The following CCDC91 variants were observed in gnomAD, a reference collection of about 807,000 sequenced individuals.
The protein encoded by CCDC91 is coiled-coil domain containing 91, also known as coiled-coil domain-containing protein 91.
CCDC91 carries 48 observed loss-of-function variants against 63.2 expected under a neutral mutation model. The ratio of observed to expected loss-of-function variants is 0.76; its 90% CI spans 0.60 to 0.97. The LOEUF (loss-of-function observed/expected upper bound fraction) is 0.97. Among genes scored for constraint, CCDC91 ranks in the 50% least tolerant of loss-of-function variants. The pLI, the probability that CCDC91 is intolerant of heterozygous loss-of-function variation, is 0.00. For synonymous variants in CCDC91, 167 were observed against 165.8 expected, an observed-to-expected ratio of 1.01 and a Z score of -0.06; for missense variants, 500 against 494.6, an observed-to-expected ratio of 1.01 and a Z score of -0.10.
intron 12 of CCDC91, among the ~76,000 whole-genome samples, chr12:28,514,051 T>A (rs576050716): frequency 6.6e-6 from 1 of 152,008 alleles, no homozygotes; most frequent in African/African-American, 2.4e-5. Context: ...CTTTCCACAA[T>A]GGTTGAACTA....
intron 1 of CCDC91, among the ~76,000 whole-genome samples, chr12:28,204,982 C>T (rs1942737121): frequency 1.3e-5 from 2 of 152,262 alleles, no homozygotes; most frequent in East Asian, 3.9e-4. Context: ...AGTAGAGGAA[C>T]AGAATCAGTT....
intron 3 of CCDC91, among the ~76,000 whole-genome samples, chr12:28,267,970 T>A (rs1237798037): frequency 2.7e-5 from 3 of 112,994 alleles, no homozygotes; most frequent in Non-Finnish European, 5.1e-5. Context: ...TATATATAAT[T>A]AATATATACC....
At chr12:28,442,356 C>T (rs1174457749) in intron 8 of CCDC91, among the ~76,000 whole-genome samples, 2 of 152,008 alleles carry the variant, frequency 1.3e-5, no homozygotes, top group East Asian at 1.9e-4. Flanking sequence ...GGAGTTTAGA[C>T]GTTATACAAT....
chr12:28,310,135 T>C lies in CCDC91; in HGVS notation c.576+2386T>C, dbSNP rs114488319. On this transcript the variant is annotated intron_variant, in intron 6 of 12. Transcript: ENST00000536442. The stretch of plus-strand genomic sequence containing the variant: ...TGTATAGCCACACTTACTGACCTCA[T>C]CCTTGGAACTATGGTGCTGATTAAA... Among the ~76,000 whole-genome samples the C allele has an allele frequency of 8.1e-3, 1,235 of 152,124 alleles. 20 individuals carry two copies. Among genetic ancestry groups the C allele is most frequent in the African/African-American group, 0.029 (1,199 of 41,554 alleles).
intron 11 of CCDC91, among the ~76,000 whole-genome samples, chr12:28,483,443 A>G (rs1363662632): frequency 1.3e-5 from 2 of 152,060 alleles, no homozygotes; most frequent in Non-Finnish European, 2.9e-5. Context: ...TGTATTTGCA[A>G]TTCTGAAATC....
At chr12:28,493,446 A>G (rs1050939229) in intron 12 of CCDC91, among the ~76,000 whole-genome samples, 1 of 151,802 alleles carries the variant, frequency 6.6e-6, no homozygotes, top group African/African-American at 2.4e-5. Flanking sequence ...TAAATTGGGA[A>G]GAAAAGTAGA....
At chr12:28,279,306 T>G (rs1181991263) in intron 3 of CCDC91, among the ~76,000 whole-genome samples, 1 of 152,132 alleles carries the variant, frequency 6.6e-6, no homozygotes, top group Non-Finnish European at 1.5e-5. Flanking sequence ...ATTTGTATCC[T>G]CTTTAATAAA....
rs533178414 is a variant in CCDC91, at chr12:28,370,897, A to C, written c.654+8382A>C. ...ATCTCATGAGAACTCACTCACTATC[A>C]TGAGAACAGCATGGAGGAAATCGCC... is the stretch of plus-strand genomic sequence containing the variant. On this transcript the variant is annotated intron_variant, in intron 7 of 12. Transcript: ENST00000536442. Among the ~76,000 whole-genome samples the C allele has an allele frequency of 1.4e-4, 21 of 152,250 alleles. No individual in the cohort carries two copies. In the East Asian group the frequency reaches 2.9e-3, roughly 21 times the overall value.
intron 1 of CCDC91, among the ~76,000 whole-genome samples, chr12:28,254,772 CT>C (rs34812000): frequency 0.29 from 37,311 of 128,612 alleles, 4,899 homozygotes; most frequent in East Asian, 0.53. Flanking sequence ...GTATCATCTG[CT>C]TTTTTTTTTT....
At position 28,452,581 on chromosome 12, in the gene CCDC91, AAC is replaced by A. The variant is rs1565996909; in HGVS notation, c.1030_1031del (p.His344CysfsTer27). On this transcript the variant is annotated frameshift_variant, in exon 11 of 13. Transcript: ENST00000536442. LOFTEE classifies it high-confidence loss of function. ...GAAGAAAGGGAATTATGGAAGACAG[AAC>A]ATGCAAAAGATCAAGAAAAAGTATC... 6.3e-7 allele frequency: 1 copy of A among 1,588,910 alleles called. No homozygotes were observed. Among genetic ancestry groups the A allele is most frequent in the Non-Finnish European group, 8.6e-7 (1 of 1,169,004 alleles).
At chr12:28,512,804 A>C (rs1222609722) in intron 12 of CCDC91, among the ~76,000 whole-genome samples, 4 of 151,878 alleles carry the variant, frequency 2.6e-5, no homozygotes, top group East Asian at 1.9e-4. Flanking sequence ...ATAAATGCCA[A>C]GTTGTATGGT....
At position 28,364,058 on chromosome 12, in the gene CCDC91, A is replaced by G. The variant is rs185279496; in HGVS notation, c.654+1543A>G. ...TTTTTGTGACCATACCCAATATAGT[A>G]GTTGATGCTCATTGTTAAAAAGGTC... On this transcript the variant is annotated intron_variant, in intron 7 of 12. Transcript: ENST00000536442. 2.0e-3 allele frequency among the ~76,000 whole-genome samples: 303 copies of G among 151,190 alleles called. 3 individuals are homozygous for G. Among genetic ancestry groups the G allele is most frequent in the African/African-American group, 6.9e-3 (286 of 41,172 alleles).
intron 11 of CCDC91, among the ~76,000 whole-genome samples, chr12:28,455,350 C>T (rs1180103441): frequency 1.3e-5 from 2 of 151,930 alleles, no homozygotes; most frequent in Non-Finnish European, 2.9e-5. Flanking sequence ...AATTAATTAC[C>T]CTAAATTAGT....
At chr12:28,421,013 T>TATG (rs1181525501) in intron 8 of CCDC91, among the ~76,000 whole-genome samples, 1 of 152,126 alleles carries the variant, frequency 6.6e-6, no homozygotes, top group African/African-American at 2.4e-5. Flanking sequence ...CAATTTTTTC[T>TATG]CAGCATAGAT....
intron 12 of CCDC91, among the ~76,000 whole-genome samples, chr12:28,538,375 C>T (rs530707468): frequency 5.8e-4 from 87 of 150,812 alleles, no homozygotes; most frequent in South Asian, 2.3e-3. Context: ...TCTGTCCTTG[C>T]GATAGTTTGC....
At chr12:28,520,867 A>G (rs185679126) in intron 12 of CCDC91, among the ~76,000 whole-genome samples, 1 of 152,184 alleles carries the variant, frequency 6.6e-6, no homozygotes, top group Non-Finnish European at 1.5e-5. Context: ...GGTTTGTCAA[A>G]GATCAGATGG....
intron 11 of CCDC91, among the ~76,000 whole-genome samples, chr12:28,471,866 C>T (rs1412969214): frequency 6.6e-6 from 1 of 151,966 alleles, no homozygotes. Context: ...TCTCGTACCT[C>T]AGCCTCCCTG....
chr12:28,546,236 C>T (rs965123726), intron 12 of CCDC91, among the ~76,000 whole-genome samples: 15 of 151,914 alleles, frequency 9.9e-5, no homozygotes, highest in Non-Finnish European at 1.9e-4. Context: ...AATAATATAC[C>T]GCTGAGTTCT....
At chr12:28,304,402 GAAAAAAAAAA>G (rs57660180) in intron 3 of CCDC91, among the ~76,000 whole-genome samples, 3,078 of 99,320 alleles carry the variant, frequency 0.031, 65 homozygotes, top group South Asian at 0.12. Flanking sequence ...AAAAAAAAAA[GAAAAAAAAAA>G]AAAGAAAAAA....
Sources: allele counts gnomAD v4.1 joint callset (sites outside exome capture counted in the v4.1 genomes callset), GRCh38; gene constraint gnomAD v4.1.1; transcripts MANE v1.5; gene names NCBI Gene and HGNC (gene_info 2026-07-23, HGNC 2026-07-21).